CALN1: variants seen among roughly 807,000 people sequenced by gnomAD.
CALN1 encodes the protein calcium-binding protein 8.
Under a neutral mutation model 30.6 loss-of-function variants are expected in CALN1, and 17 were observed. That is an observed-to-expected ratio of 0.56 (90% CI 0.38 to 0.83). The LOEUF is 0.83. Ranked by LOEUF, CALN1 falls within the 40% of genes least tolerant of loss-of-function variation. The pLI, the probability that CALN1 is intolerant of heterozygous loss-of-function variation, is 0.00. For synonymous variants in CALN1, 156 were observed against 131.4 expected, an observed-to-expected ratio of 1.19 and a Z score of -1.28; for missense variants, 291 against 354.9, an observed-to-expected ratio of 0.82 and a Z score of 1.45.
intron 6 of CALN1, among the ~76,000 whole-genome samples, chr7:71,808,109 CTA>C (rs1787726788): frequency 6.6e-6 from 1 of 151,862 alleles, no homozygotes; most frequent in African/African-American, 2.4e-5. Flanking sequence ...AAAAATACTA[CTA>C]TAGTTATTGG....
upstream of CALN1, among the ~76,000 whole-genome samples, chr7:72,415,071 G>A (rs1430528660): frequency 1.3e-5 from 2 of 152,232 alleles, no homozygotes; most frequent in Non-Finnish European, 1.5e-5. Context: ...GCCAGGAAAG[G>A]AGTCCTCCCT....
intron 5 of CALN1, among the ~76,000 whole-genome samples, chr7:71,932,389 ACTC>A (rs1331069882): frequency 6.6e-6 from 1 of 150,796 alleles, no homozygotes; most frequent in Non-Finnish European, 1.5e-5. Context: ...CTGGTCTTGA[ACTC>A]CTGGTCTGAA....
chr7:71,860,118 G>T (rs897708225), intron 5 of CALN1, among the ~76,000 whole-genome samples: 1 of 151,964 alleles, frequency 6.6e-6, no homozygotes, highest in African/African-American at 2.4e-5. Context: ...GTATAAACAA[G>T]CATTGTACCT....
At chr7:72,341,626 G>A (rs1020141303) in intron 2 of CALN1, among the ~76,000 whole-genome samples, 1 of 152,174 alleles carries the variant, frequency 6.6e-6, no homozygotes, top group African/African-American at 2.4e-5. Flanking sequence ...AACCAGAGTG[G>A]GAAACATTTG....
chr7:72,232,402 G>A (rs1015924555), intron 3 of CALN1, among the ~76,000 whole-genome samples: 1 of 152,164 alleles, frequency 6.6e-6, no homozygotes. Flanking sequence ...ATAAGAGATG[G>A]TTAAATAAGT....
chr7:72,006,749 C>T (rs1181499733), intron 5 of CALN1, among the ~76,000 whole-genome samples: 1 of 151,980 alleles, frequency 6.6e-6, no homozygotes, highest in Non-Finnish European at 1.5e-5. Context: ...AATGGAAGTG[C>T]CATATATTAA....
intron 4 of CALN1, among the ~76,000 whole-genome samples, chr7:72,076,826 G>C (rs1804777754): frequency 1.3e-5 from 2 of 152,036 alleles, no homozygotes; most frequent in Admixed American, 6.6e-5. Context: ...GATTGGGCCA[G>C]GATACTAGAC....
Position 72,356,171 on chromosome 7 carries a change from A to G in CALN1, c.119+47080T>C, listed in dbSNP as rs530181497. Among the ~76,000 whole-genome samples, 3 of 152,304 alleles carry G rather than the reference A, an allele frequency of 2.0e-5. No homozygotes were observed. The South Asian group carries it at 6.2e-4, about 32-fold the overall frequency. On this transcript the variant is annotated intron_variant, in intron 2 of 6. Coordinates refer to ENST00000395275, the MANE Select transcript of CALN1 (RefSeq NM_031468.4). ...AAGATTGTGGTTAAAATTTTGTAAA[A>G]GGAAAGAATTGCTATAGTGAGCTAT...
chr7:72,301,387 C>T (rs906142200), intron 2 of CALN1, among the ~76,000 whole-genome samples: 1 of 151,944 alleles, frequency 6.6e-6, no homozygotes, highest in South Asian at 2.1e-4. Context: ...GCAGGTGTAT[C>T]ACTTGAGGTC....
intron 5 of CALN1, among the ~76,000 whole-genome samples, chr7:71,950,745 C>T (rs1182691136): frequency 1.3e-5 from 2 of 152,232 alleles, no homozygotes; most frequent in Admixed American, 1.3e-4. Context: ...CCTACCTGAT[C>T]AGCCCACTGC....
At chr7:72,125,576 T>C (rs1047748302) in intron 3 of CALN1, among the ~76,000 whole-genome samples, 3 of 152,144 alleles carry the variant, frequency 2.0e-5, no homozygotes, top group African/African-American at 4.8e-5. Flanking sequence ...TACAGAATTA[T>C]AGGATGGACT....
chr7:72,359,184 A>G (rs1803412210), intron 2 of CALN1, among the ~76,000 whole-genome samples: 1 of 152,114 alleles, frequency 6.6e-6, no homozygotes, highest in Non-Finnish European at 1.5e-5. Flanking sequence ...TTTGCTAATT[A>G]GCATAACGCT....
chr7:72,457,808 T>C, the CALN1 span, among the ~76,000 whole-genome samples: 1 of 150,844 alleles, frequency 6.6e-6, no homozygotes, highest in Non-Finnish European at 1.5e-5. Flanking sequence ...CAGGCTGCAG[T>C]GCAGAGGTGC....
In CALN1 at chr7:72,320,028, G is replaced by A. The variant is rs1175141226; in HGVS notation, c.120-41218C>T. On this transcript the variant is annotated intron_variant, in intron 2 of 6. Transcript: ENST00000395275. ...AACAAATTAGCCAGGGCGTGAGACA[G>A]GAGAATCACTTGAACCCAGGAGGCA... Among the ~76,000 whole-genome samples the A allele has an allele frequency of 2.6e-5, 4 of 152,140 alleles. No individual in the cohort carries two copies. The East Asian group carries it at 5.8e-4, about 22-fold the overall frequency.
intron 5 of CALN1, among the ~76,000 whole-genome samples, chr7:71,819,861 T>C (rs1374144827): frequency 6.6e-6 from 1 of 152,116 alleles, no homozygotes; most frequent in Non-Finnish European, 1.5e-5. Flanking sequence ...CCATTTTCTG[T>C]AAACCCAAAA....
chr7:72,292,732 A>G (rs911190831), intron 2 of CALN1, among the ~76,000 whole-genome samples: 2 of 150,456 alleles, frequency 1.3e-5, no homozygotes, highest in East Asian at 2.0e-4. Context: ...GAGGCAGGAG[A>G]ATCACTTGAA....
chr7:71,943,475 C>G lies in CALN1; in HGVS notation c.501+80182G>C, dbSNP rs10258262. Among the ~76,000 whole-genome samples, 715 of 152,266 alleles carry G rather than the reference C, an allele frequency of 4.7e-3. 6 individuals are homozygous for G. The highest frequency in any genetic ancestry group is 0.016 in the African/African-American group (655 of 41,554). On this transcript the variant is annotated intron_variant, in intron 5 of 6. Transcript: ENST00000395275. ...TCTTTTTTTGAGACAGGATCTCACT[C>G]TGTCACCCAGGCTGGAGCACAGTGG...
chr7:71,845,592 CT>C (rs1790182273), intron 5 of CALN1, among the ~76,000 whole-genome samples: 2 of 152,304 alleles, frequency 1.3e-5, no homozygotes, highest in Admixed American at 1.3e-4. Context: ...CCCTTTCCCC[CT>C]AGCCCTGAAC....
At chr7:72,383,639 G>T (rs1268871024) in intron 2 of CALN1, among the ~76,000 whole-genome samples, 2 of 152,128 alleles carry the variant, frequency 1.3e-5, no homozygotes, top group Admixed American at 1.3e-4. Flanking sequence ...ACAAGTATAG[G>T]ACCCCATCTT....
Sources: gnomAD v4.1 joint callset for allele counts (sites outside exome capture counted in the v4.1 genomes callset) on GRCh38, gnomAD v4.1.1 for gene constraint, MANE v1.5 for transcripts, NCBI Gene and HGNC (gene_info 2026-07-23, HGNC 2026-07-21) for gene names.